The following CHN2 variants were observed in gnomAD, a reference collection of about 807,000 sequenced individuals.
CHN2 encodes beta-chimaerin.
Under a neutral mutation model 56.3 loss-of-function variants are expected in CHN2, and 35 were observed. The ratio of observed to expected loss-of-function variants is 0.62; its 90% CI spans 0.47 to 0.82. The LOEUF is 0.82. Ranked by LOEUF, CHN2 falls within the 40% of genes least tolerant of loss-of-function variation. The pLI, the probability that CHN2 is intolerant of heterozygous loss-of-function variation, is 0.00. For missense variants in CHN2, 491 were observed against 580.5 expected (o/e 0.85, Z 1.58); for synonymous variants, 210 against 212.8 (o/e 0.99, Z 0.12).
At chr7:29,314,503 T>C (rs1794819189) in intron 1 of CHN2, among the ~76,000 whole-genome samples, 1 of 152,208 alleles carries the variant, frequency 6.6e-6, no homozygotes. Context: ...ACTGTACACT[T>C]CAAAGTTAAG....
intron 1 of CHN2, among the ~76,000 whole-genome samples, chr7:29,265,531 T>C (rs1790068571): frequency 6.6e-6 from 1 of 152,172 alleles, no homozygotes; most frequent in African/African-American, 2.4e-5. Flanking sequence ...GGGTAGACAA[T>C]AGGGACTCCT....
intron 7 of CHN2, among the ~76,000 whole-genome samples, chr7:29,489,226 A>G (rs1248504000): frequency 6.6e-6 from 1 of 152,128 alleles, no homozygotes; most frequent in African/African-American, 2.4e-5. Context: ...ATCTCGTGTA[A>G]TATCATCTTT....
intron 1 of CHN2, among the ~76,000 whole-genome samples, chr7:29,260,967 T>A (rs1789498307): frequency 6.6e-6 from 1 of 152,220 alleles, no homozygotes; most frequent in African/African-American, 2.4e-5. Flanking sequence ...TCTAATATAC[T>A]TTGACCCTTT....
intron 3 of CHN2, among the ~76,000 whole-genome samples, chr7:29,369,907 A>G (rs1799473927): frequency 6.6e-6 from 1 of 152,154 alleles, no homozygotes; most frequent in South Asian, 2.1e-4. Context: ...CCAATTTGAT[A>G]TATTAGTAAG....
intron 1 of CHN2, among the ~76,000 whole-genome samples, chr7:29,225,589 A>G (rs1250132444): frequency 6.6e-6 from 1 of 152,210 alleles, no homozygotes; most frequent in African/African-American, 2.4e-5. Context: ...TGTATAGGAC[A>G]TTAGTGCTGT....
At chr7:29,148,394 A>C (rs760392204) in intron 2 of CHN2, 1 of 152,238 alleles carries the variant, frequency 6.6e-6, no homozygotes, top group Non-Finnish European at 1.5e-5. Context: ...TAGTAACCTC[A>C]AGGCTATAAA....
intron 1 of CHN2, among the ~76,000 whole-genome samples, chr7:29,290,248 G>C (rs1792489971): frequency 6.6e-6 from 1 of 152,168 alleles, no homozygotes; most frequent in Non-Finnish European, 1.5e-5. Context: ...CCTAACAACA[G>C]ATGTTCTGGC....
chr7:29,476,441 G>T (rs547829143), intron 6 of CHN2, among the ~76,000 whole-genome samples: 12 of 151,640 alleles, frequency 7.9e-5, no homozygotes, highest in Admixed American at 7.2e-4. Flanking sequence ...GGAGTCTGAC[G>T]CAAGAGAATC....
At position 29,445,098 on chromosome 7, in the gene CHN2, TCTC is replaced by T. The variant is rs201639018; in HGVS notation, c.577-35176_577-35174del. 1.6e-3 allele frequency: 745 copies of T among 455,640 alleles called. 5 individuals are homozygous for T. The highest frequency in any genetic ancestry group is 0.012 in the African/African-American group (607 of 50,182). The allele number at this position is 455,640 out of a possible 1,614,324, so 28.2% of individuals were successfully genotyped here. On this transcript the variant is annotated intron_variant, in intron 6 of 12. Transcript: ENST00000222792. Reference sequence around the variant, plus strand: ...CCAGCTGGTATGTTTGGTTAGTCATTCTCCTCCACGCTTTCTTCTGGAACAGAA... The same window carrying T: ...CCAGCTGGTATGTTTGGTTAGTCATTCTCCACGCTTTCTTCTGGAACAGAA...
At chr7:29,217,295 AT>A (rs762730425) in intron 1 of CHN2, among the ~76,000 whole-genome samples, 47 of 152,216 alleles carry the variant, frequency 3.1e-4, no homozygotes, top group Non-Finnish European at 5.1e-4. Context: ...CAACACAGTA[AT>A]TATGTAAGAC....
chr7:29,198,478 C>A lies in CHN2; in HGVS notation c.49+3488C>A, dbSNP rs527911614. 2.1e-4 allele frequency among the ~76,000 whole-genome samples: 32 copies of A among 152,250 alleles called. No homozygotes were observed. In the South Asian group the frequency reaches 6.0e-3, roughly 29 times the overall value. On this transcript the variant is annotated intron_variant, in intron 1 of 12. Coordinates refer to ENST00000222792, the MANE Select transcript of CHN2 (RefSeq NM_004067.4). ...TTTAAAAATACATTTTCTGAGAACT[C>A]TTCATGAATTTTCTTCTGGAATATT... is the stretch of plus-strand genomic sequence containing the variant.
At chr7:29,432,529 A>C (rs576502254) in intron 6 of CHN2, among the ~76,000 whole-genome samples, 1 of 152,286 alleles carries the variant, frequency 6.6e-6, no homozygotes, top group South Asian at 2.1e-4. Flanking sequence ...AAGGATCCTA[A>C]CTCAGGAATC....
intron 1 of CHN2, among the ~76,000 whole-genome samples, chr7:29,232,073 C>T (rs1177478412): frequency 1.3e-5 from 2 of 152,114 alleles, no homozygotes; most frequent in African/African-American, 4.8e-5. Context: ...AGAAAGGGCA[C>T]GCTTTGACTA....
At chr7:29,242,265 G>A (rs567319034) in intron 1 of CHN2, among the ~76,000 whole-genome samples, 1 of 152,228 alleles carries the variant, frequency 6.6e-6, no homozygotes, top group Admixed American at 6.5e-5. Context: ...TTGGAAGGCA[G>A]ATAGCAAACC....
intron 6 of CHN2, among the ~76,000 whole-genome samples, chr7:29,441,248 T>C (rs1218212947): frequency 1.3e-5 from 2 of 152,218 alleles, no homozygotes; most frequent in African/African-American, 2.4e-5. Flanking sequence ...CTGGGACAAC[T>C]GGAGATCCTC....
chr7:29,385,988 G>T (rs1036310841), intron 3 of CHN2, among the ~76,000 whole-genome samples: 6 of 152,180 alleles, frequency 3.9e-5, no homozygotes, highest in African/African-American at 1.4e-4. Context: ...CTTTTAAGGA[G>T]ATTTATTACA....
intron 1 of CHN2, among the ~76,000 whole-genome samples, chr7:29,303,807 C>A (rs1047341502): frequency 3.3e-5 from 5 of 152,220 alleles, no homozygotes; most frequent in Admixed American, 6.5e-5. Context: ...CGCTTGTAAT[C>A]CCAGCACTTT....
intron 1 of CHN2, among the ~76,000 whole-genome samples, chr7:29,226,011 T>C (rs1786162770): frequency 6.6e-6 from 1 of 152,176 alleles, no homozygotes; most frequent in Admixed American, 6.5e-5. Flanking sequence ...ATTAAGAACA[T>C]TGTACAAGAA....
At chr7:29,295,641 A>T (rs1793089439) in intron 1 of CHN2, among the ~76,000 whole-genome samples, 1 of 152,164 alleles carries the variant, frequency 6.6e-6, no homozygotes, top group African/African-American at 2.4e-5. Context: ...CTTTATGGTT[A>T]TTGAGGTGTT....
Sources: gnomAD v4.1 joint callset for allele counts (sites outside exome capture counted in the v4.1 genomes callset) on GRCh38, gnomAD v4.1.1 for gene constraint, MANE v1.5 for transcripts, NCBI Gene and HGNC (gene_info 2026-07-23, HGNC 2026-07-21) for gene names.